Variants in DIAPH3 observed in about 807,000 individuals in gnomAD.
DIAPH3 encodes the protein protein diaphanous homolog 3.
Under a neutral mutation model 144.3 loss-of-function variants are expected in DIAPH3, and 117 were observed. The observed-to-expected ratio is 0.81, with a 90% CI of 0.70 to 0.95. The LOEUF is 0.95. Among genes scored for constraint, DIAPH3 ranks in the 40% least tolerant of loss-of-function variants. DIAPH3 has a pLI of 0.00. For missense variants in DIAPH3, 1,421 were observed against 1,412.7 expected, an observed-to-expected ratio of 1.01 and a Z score of -0.09; for synonymous variants, 519 against 488.9, an observed-to-expected ratio of 1.06 and a Z score of -0.81.
chr13:60,119,746 C>CAAAAAAA (rs34356415), intron 2 of DIAPH3, among the ~76,000 whole-genome samples: 12 of 49,530 alleles, frequency 2.4e-4, no homozygotes, highest in Non-Finnish European at 2.8e-4. Flanking sequence ...GACTCCGTCT[C>CAAAAAAA]AAAAAAAAAA....
chr13:59,874,181 G>T (rs2044461575), intron 21 of DIAPH3, among the ~76,000 whole-genome samples: 1 of 152,128 alleles, frequency 6.6e-6, no homozygotes, highest in South Asian at 2.1e-4. Context: ...CTTTAAAAAT[G>T]CCACCAATCA....
intron 20 of DIAPH3, among the ~76,000 whole-genome samples, chr13:59,890,359 G>A (rs2045710230): frequency 6.6e-6 from 1 of 152,056 alleles, no homozygotes; most frequent in South Asian, 2.1e-4. Flanking sequence ...GCCAAAGGCT[G>A]AGTATTCATG....
intron 27 of DIAPH3, among the ~76,000 whole-genome samples, chr13:59,678,862 T>C (rs778185475): frequency 6.6e-6 from 1 of 152,126 alleles, no homozygotes; most frequent in Non-Finnish European, 1.5e-5. Flanking sequence ...GCAGGAAACA[T>C]AACAATTCAT....
intron 1 of DIAPH3, among the ~76,000 whole-genome samples, chr13:60,142,622 C>T (rs1440820594): frequency 6.6e-6 from 1 of 152,110 alleles, no homozygotes; most frequent in African/African-American, 2.4e-5. Flanking sequence ...CAACAGGGAC[C>T]CTTGTAGACA....
intron 15 of DIAPH3, among the ~76,000 whole-genome samples, chr13:59,972,813 A>C (rs1472387052): frequency 6.6e-6 from 1 of 152,194 alleles, no homozygotes; most frequent in Non-Finnish European, 1.5e-5. Flanking sequence ...TATCTTGCTC[A>C]TCACTATGTC....
intron 18 of DIAPH3, 38 bp downstream of exon 18, chr13:59,924,737 T>A: frequency 6.3e-7 from 1 of 1,582,582 alleles, no homozygotes; most frequent in Admixed American, 1.7e-5. Context: ...AAGAAATATT[T>A]CCACTGTCTT....
In DIAPH3 at chr13:59,702,356, A is replaced by T. The variant is rs946414315; in HGVS notation, c.3320-35510T>A. Among the ~76,000 whole-genome samples the T allele has an allele frequency of 2.6e-5, 4 of 152,320 alleles. No homozygotes were observed. The East Asian group carries it at 7.7e-4, about 29-fold the overall frequency. On this transcript the variant is annotated intron_variant, in intron 27 of 27. Transcript: ENST00000400324. Reference sequence around the variant, plus strand: ...TTGAATGTGGTTATTTTCAGTCTTTAAAAAAAGAAAACAAAATGTGAGAAA... The same window carrying T: ...TTGAATGTGGTTATTTTCAGTCTTTTAAAAAAGAAAACAAAATGTGAGAAA...
At chr13:59,990,694 T>C (rs2051752924) in intron 12 of DIAPH3, among the ~76,000 whole-genome samples, 2 of 151,948 alleles carry the variant, frequency 1.3e-5, no homozygotes, top group South Asian at 4.1e-4. Context: ...GGCTAGGATA[T>C]AATCAATCTT....
intron 27 of DIAPH3, among the ~76,000 whole-genome samples, chr13:59,721,704 T>C (rs1416721396): frequency 6.6e-6 from 1 of 152,180 alleles, no homozygotes; most frequent in Non-Finnish European, 1.5e-5. Flanking sequence ...GACAAAATAA[T>C]GGCAACGACA....
intron 21 of DIAPH3, among the ~76,000 whole-genome samples, chr13:59,876,642 T>C (rs2044647666): frequency 6.6e-6 from 1 of 152,190 alleles, no homozygotes; most frequent in South Asian, 2.1e-4. Context: ...ACCACTGCAG[T>C]AGGCTATCCT....
intron 8 of DIAPH3, 75 bp downstream of exon 8, chr13:60,010,458 A>T: frequency 1.4e-6 from 2 of 1,388,948 alleles, no homozygotes; most frequent in South Asian, 1.3e-5. Context: ...AGCCTAGAGT[A>T]GATAATGAAA....
At chr13:59,691,393 G>T (rs2033514034) in intron 27 of DIAPH3, among the ~76,000 whole-genome samples, 1 of 152,110 alleles carries the variant, frequency 6.6e-6, no homozygotes, top group African/African-American at 2.4e-5. Flanking sequence ...TCAGATCAAA[G>T]ATTATAAAAG....
At chr13:59,696,751 G>A (rs1401924874) in intron 27 of DIAPH3, among the ~76,000 whole-genome samples, 1 of 151,916 alleles carries the variant, frequency 6.6e-6, no homozygotes, top group Non-Finnish European at 1.5e-5. Flanking sequence ...AATTTTCTAT[G>A]GTGTTTTTCT....
rs781527233 is a variant in DIAPH3, at chr13:59,992,201, T to C, written c.1126-15A>G. ...CATTTTAAATTCTAGAGATATGAAA[T>C]AGAAATTATGATGAATGATTTTGTT... On this transcript the variant is annotated splice_polypyrimidine_tract_variant and intron_variant, in intron 10 of 27. Coordinates refer to ENST00000400324, the MANE Select transcript of DIAPH3 (RefSeq NM_001042517.2). 33 of 1,437,630 alleles carry C rather than the reference T, an allele frequency of 2.3e-5. No individual in the cohort carries two copies. Among genetic ancestry groups the C allele is most frequent in the Non-Finnish European group, 2.9e-5 (30 of 1,021,716 alleles). The allele number at this position is 1,437,630 out of a possible 1,614,324, so 89.1% of individuals were successfully genotyped here.
At chr13:59,780,641 G>A (rs2038688085) in intron 25 of DIAPH3, among the ~76,000 whole-genome samples, 1 of 152,146 alleles carries the variant, frequency 6.6e-6, no homozygotes, top group African/African-American at 2.4e-5. Flanking sequence ...AAATGGAGAA[G>A]GGAGAGTTAA....
chr13:60,162,185 G>T (rs1952323897), intron 1 of DIAPH3, among the ~76,000 whole-genome samples: 1 of 152,142 alleles, frequency 6.6e-6, no homozygotes, highest in South Asian at 2.1e-4. Flanking sequence ...ACATAAGAAT[G>T]AAAAACAGCA....
intron 12 of DIAPH3, among the ~76,000 whole-genome samples, chr13:59,987,656 T>C (rs2140773953): frequency 6.6e-6 from 1 of 151,660 alleles, no homozygotes; most frequent in African/African-American, 2.4e-5. Flanking sequence ...TTGAGAAGAC[T>C]GGTTTTAAAA....
At chr13:59,804,034 C>T (rs569901374) in intron 25 of DIAPH3, among the ~76,000 whole-genome samples, 8 of 152,196 alleles carry the variant, frequency 5.3e-5, no homozygotes, top group Admixed American at 1.3e-4. Flanking sequence ...TGCAAATTCT[C>T]TGGTTCCTTA....
intron 3 of DIAPH3, among the ~76,000 whole-genome samples, chr13:60,103,615 A>G (rs1305228683): frequency 6.6e-6 from 1 of 152,244 alleles, no homozygotes; most frequent in African/African-American, 2.4e-5. Context: ...GCAAAACCAA[A>G]CATTTATTCC....
Sources: gnomAD v4.1 joint callset for allele counts (sites outside exome capture counted in the v4.1 genomes callset) on GRCh38, gnomAD v4.1.1 for gene constraint, MANE v1.5 for transcripts, NCBI Gene and HGNC (gene_info 2026-07-23, HGNC 2026-07-21) for gene names.